ACACB: variants seen among roughly 807,000 people sequenced by gnomAD.
ACACB encodes acetyl-CoA carboxylase 2.
ACACB carries 209 observed loss-of-function variants against 278.8 expected under a neutral mutation model. The ratio of observed to expected loss-of-function variants is 0.75; its 90% confidence interval spans 0.67 to 0.84. The LOEUF is 0.84. ACACB is among the 40% of genes least tolerant of loss of function. The probability of loss-of-function intolerance (pLI) is 0.00; values close to 1 mark genes in which losing one functional copy is unlikely to be tolerated. For synonymous variants in ACACB, 1,174 were observed against 1,285.6 expected, an observed-to-expected ratio of 0.91 and a Z score of 1.86; for missense variants, 2,850 against 3,269.0, an observed-to-expected ratio of 0.87 and a Z score of 3.13.
chr12:109,172,403 G>T, intron 6 of ACACB, 47 bp downstream of exon 6: 1 of 1,571,214 alleles, frequency 6.4e-7, no homozygotes. Context: ...GTATTGCTGG[G>T]ACACTCTGCT....
rs1485828938 is a variant in ACACB at position 109,197,218 on chromosome 12, A to G, written c.2627+65A>G. The G allele has an allele frequency of 3.9e-6, 6 of 1,553,228 alleles. No homozygotes were observed. The African/African-American group carries it at 7.1e-5, about 18-fold the overall frequency. On this transcript the variant is annotated intron_variant, in intron 17 of 52. Transcript: ENST00000338432. ...ACAGCTCTCTGTCCTAGGCATGGAAAACACAGCACTGGCCTGTGTGCAGGT... is the reference window on the plus strand; with the variant it reads ...ACAGCTCTCTGTCCTAGGCATGGAAGACACAGCACTGGCCTGTGTGCAGGT...
At chr12:109,178,991 A>G in intron 9 of ACACB, 97 bp from the exon 10 acceptor site, 1 of 1,147,184 alleles carries the variant, frequency 8.7e-7, no homozygotes, top group Non-Finnish European at 1.3e-6. Flanking sequence ...CCCTAAACAC[A>G]TCACTGCGTT....
chr12:109,256,671 T>C (rs2047232891), intron 45 of ACACB, among the ~76,000 whole-genome samples: 1 of 152,118 alleles, frequency 6.6e-6, no homozygotes, highest in African/African-American at 2.4e-5. Flanking sequence ...TTTCATCTCT[T>C]TGGACAGCTC....
chr12:109,255,210 T>C (rs1297085684), intron 44 of ACACB, among the ~76,000 whole-genome samples: 1 of 152,058 alleles, frequency 6.6e-6, no homozygotes, highest in African/African-American at 2.4e-5. Context: ...CTCTTGGAGG[T>C]ATATTATTTC....
chr12:109,136,888 GA>G (rs1464553359), intron 1 of ACACB, among the ~76,000 whole-genome samples: 2 of 152,278 alleles, frequency 1.3e-5, no homozygotes, highest in South Asian at 2.1e-4. Flanking sequence ...GTACAGTGTT[GA>G]ATAGCACTGG....
intron 2 of ACACB, among the ~76,000 whole-genome samples, chr12:109,146,586 T>C (rs1183657756): frequency 6.6e-6 from 1 of 152,176 alleles, no homozygotes; most frequent in Non-Finnish European, 1.5e-5. Context: ...AACCCAGACC[T>C]CCCACCAGGG....
intron 31 of ACACB, 40 bp downstream of exon 31, chr12:109,234,085 GAGA>G: frequency 1.3e-6 from 2 of 1,512,558 alleles, no homozygotes; most frequent in Non-Finnish European, 1.8e-6. Flanking sequence ...GGGGTTCTTG[GAGA>G]AGGAGGAGGG....
At chr12:109,185,205 G>C (rs1457329957) in intron 11 of ACACB, among the ~76,000 whole-genome samples, 1 of 152,190 alleles carries the variant, frequency 6.6e-6, no homozygotes, top group Non-Finnish European at 1.5e-5. Context: ...TTCATGTCCA[G>C]TTTCCCCTTC....
intron 39 of ACACB, 82 bp downstream of exon 39, chr12:109,246,530 G>A: frequency 1.3e-6 from 2 of 1,527,022 alleles, no homozygotes; most frequent in Non-Finnish European, 1.8e-6. Flanking sequence ...ACCTGCAAGA[G>A]GTGAAAAAAA....
At chr12:109,149,744 AC>A (rs1400808714) in intron 2 of ACACB, among the ~76,000 whole-genome samples, 2 of 152,112 alleles carry the variant, frequency 1.3e-5, no homozygotes, top group African/African-American at 4.8e-5. Context: ...AGTTATTGCA[AC>A]CCCTCTGGGT....
In ACACB at chr12:109,241,032, T is replaced by G. The variant is rs192890882; in HGVS notation, c.4819-46T>G. On this transcript the variant is annotated intron_variant, in intron 35 of 52. Transcript: ENST00000338432. ...GTATCAGTGCTATTGCAAATGTCCT[T>G]GGGATGTCTTGGCCCTGAAACTGGA... is the stretch of plus-strand genomic sequence containing the variant. The G allele has an allele frequency of 7.8e-5, 124 of 1,592,434 alleles. No homozygotes were observed. In the African/African-American group the frequency reaches 1.5e-3, roughly 19 times the overall value.
At chr12:109,146,927 G>A (rs145265866) in intron 2 of ACACB, among the ~76,000 whole-genome samples, 70 of 152,080 alleles carry the variant, frequency 4.6e-4, no homozygotes, top group African/African-American at 1.6e-3. Context: ...TGCCCACCTC[G>A]GCCTCCCAAA....
chr12:109,233,432 T>G (rs146372411), intron 29 of ACACB, among the ~76,000 whole-genome samples: 219 of 152,192 alleles, frequency 1.4e-3, no homozygotes, highest in African/African-American at 4.3e-3. Context: ...GTTTCTAGGA[T>G]CTCCCAGCCA....
chr12:109,237,645 T>C (rs2046670038), intron 34 of ACACB, among the ~76,000 whole-genome samples: 1 of 152,080 alleles, frequency 6.6e-6, no homozygotes, highest in East Asian at 1.9e-4. Flanking sequence ...GATAGAAAAA[T>C]ACTGGTTTGT....
At chr12:109,235,264 C>T (rs780585071) in intron 31 of ACACB, 49 bp from the exon 32 acceptor site, 1 of 1,525,136 alleles carries the variant, frequency 6.6e-7, no homozygotes. Context: ...TACTTCAGTT[C>T]CTTTTACGGC....
chr12:109,190,811 G>A (rs936591070), intron 13 of ACACB, among the ~76,000 whole-genome samples: 8 of 151,820 alleles, frequency 5.3e-5, no homozygotes, highest in African/African-American at 1.9e-4. Context: ...AATTTTTGTA[G>A]AGATGGCGTC....
chr12:109,250,400 A>G (rs977315661), intron 41 of ACACB, among the ~76,000 whole-genome samples: 3 of 152,198 alleles, frequency 2.0e-5, no homozygotes, highest in Admixed American at 2.0e-4. Context: ...ACATAACTGA[A>G]ATACTAATAT....
In ACACB at chr12:109,258,934, T is replaced by C. The variant is rs371916868; in HGVS notation, c.6361-39T>C. On this transcript the variant is annotated intron_variant, in intron 46 of 52. Coordinates refer to ENST00000338432, the MANE Select transcript of ACACB (RefSeq NM_001093.4). ...CCGTCCCTCTGTCCTGGGTTGTGGTTGTGCAGAGACATCTGATCCCCGCAG... is the reference window on the plus strand; with the variant it reads ...CCGTCCCTCTGTCCTGGGTTGTGGTCGTGCAGAGACATCTGATCCCCGCAG... 1.1e-5 allele frequency: 18 copies of C among 1,610,240 alleles called. No homozygotes were observed. The African/African-American group carries it at 1.7e-4, about 16-fold the overall frequency.
chr12:109,235,734 A>C, intron 33 of ACACB, 87 bp downstream of exon 33: 28 of 1,259,494 alleles, frequency 2.2e-5, no homozygotes, highest in Non-Finnish European at 3.0e-5. Context: ...GTGGTGGCTC[A>C]AGCCCGTAAT....
Sources: allele counts gnomAD v4.1 joint callset (sites outside exome capture counted in the v4.1 genomes callset), GRCh38; gene constraint gnomAD v4.1.1; transcripts MANE v1.5; gene names NCBI Gene and HGNC (gene_info 2026-07-23, HGNC 2026-07-21).